Variants in SYT3 observed in about 807,000 individuals in gnomAD.
SYT3 encodes the protein synaptotagmin 3, also known as synaptotagmin-3.
A neutral mutation model predicts 50.6 loss-of-function variants in SYT3; 25 were observed. The ratio of observed to expected loss-of-function variants is 0.49; its 90% CI spans 0.36 to 0.69. The LOEUF (loss-of-function observed/expected upper bound fraction) is 0.69. Ranked by LOEUF, SYT3 falls within the 30% of genes least tolerant of loss-of-function variation. The probability of loss-of-function intolerance (pLI) is 0.00; values close to 1 mark genes in which losing one functional copy is unlikely to be tolerated. For synonymous variants in SYT3, 323 were observed against 353.9 expected (o/e 0.91, Z 0.98); for missense variants, 589 against 793.6 (o/e 0.74, Z 3.10).
At chr19:50,656,126 A>C in the SYT3 span, 1 of 1,536,108 alleles carries the variant, frequency 6.5e-7, no homozygotes, top group South Asian at 1.2e-5. Context: ...AATCCTCGTG[A>C]GTTGTCCCTG....
chr19:50,630,176 A>G lies in SYT3; in HGVS notation c.675-5T>C. ...GGTCGGGGCAGGGCTGGGTACCTGT[A>G]GGGGGTTGGGGGGAGACCAAGGTGA... is the stretch of plus-strand genomic sequence containing the variant. On this transcript the variant is annotated splice_region_variant and splice_polypyrimidine_tract_variant and intron_variant, in intron 4 of 10. Transcript: ENST00000600079. 2 of 1,020,398 alleles carry G rather than the reference A, an allele frequency of 2.0e-6. No individual in the cohort carries two copies. The highest frequency in any genetic ancestry group is 1.5e-5 in the South Asian group (1 of 68,016). The allele number at this position is 1,020,398 out of a possible 1,614,324, so 63.2% of individuals were successfully genotyped here.
the SYT3 span, among the ~76,000 whole-genome samples, chr19:50,645,140 G>C: frequency 6.6e-6 from 1 of 152,218 alleles, no homozygotes; most frequent in Non-Finnish European, 1.5e-5. Context: ...CACACCTTTT[G>C]GCCAGGGCTA....
chr19:50,637,116 T>G lies in SYT3; in HGVS notation c.148+148A>C. On this transcript the variant is annotated intron_variant, in intron 3 of 10. Transcript: ENST00000600079. The surrounding 1 kb of genome is among the most constrained non-coding windows in gnomAD (Gnocchi z 4.9). ...CAGCTCCTTCCCCTTGGATCAGAGA[T>G]TTGGGAGAAGGGCAGCAGCAGGCAG... 3 of 1,033,278 alleles carry G rather than the reference T, an allele frequency of 2.9e-6. No individual in the cohort carries two copies. Among genetic ancestry groups the G allele is most frequent in the Non-Finnish European group, 4.2e-6 (3 of 716,012 alleles). 64.0% of individuals were successfully genotyped at this position (1,033,278 alleles called of 1,614,324 possible).
chr19:50,624,496 T>G lies in SYT3; in HGVS notation c.1707+666A>C, dbSNP rs552190128. ...CTACTTCTTTGCTCCTCTTGTTTTC[T>G]ATTGAGAGAATGGCCATGTTTGATT... On this transcript the variant is annotated intron_variant, in intron 9 of 10. Coordinates refer to ENST00000600079, the MANE Select transcript of SYT3 (RefSeq NM_001160329.2). Among the ~76,000 whole-genome samples, 12 of 152,230 alleles carry G rather than the reference T, an allele frequency of 7.9e-5. No individual in the cohort carries two copies. In the East Asian group the frequency reaches 2.3e-3, roughly 29 times the overall value.
intron 6 of SYT3, 197 bp from the exon 7 acceptor site, chr19:50,626,214 T>C: frequency 1.3e-6 from 1 of 741,590 alleles, no homozygotes; most frequent in Non-Finnish European, 2.1e-6. Context: ...CAAAGCTTAT[T>C]TGTTCTGCAG....
chr19:50,649,338 A>AAGAGGAGGT, the SYT3 span: 1 of 1,096,494 alleles, frequency 9.1e-7, no homozygotes, highest in Non-Finnish European at 1.3e-6. Flanking sequence ...CGGGGCTTCA[A>AAGAGGAGGT]AGAGGAGGTA....
chr19:50,630,815 G>A (rs1326163407), intron 4 of SYT3, among the ~76,000 whole-genome samples: 1 of 152,116 alleles, frequency 6.6e-6, no homozygotes, highest in Non-Finnish European at 1.5e-5. Flanking sequence ...GGTGACCCAG[G>A]ATGCTTCTCC....
chr19:50,628,278 G>A (rs1255379749), intron 6 of SYT3, among the ~76,000 whole-genome samples: 1 of 151,944 alleles, frequency 6.6e-6, no homozygotes, highest in Admixed American at 6.6e-5. Flanking sequence ...TGGGGCAGAA[G>A]AGCTCAGGAC....
At chr19:50,641,295 T>C (rs1210205207), upstream of SYT3, among the ~76,000 whole-genome samples, 1 of 145,172 alleles carries the variant, frequency 6.9e-6, no homozygotes, top group Admixed American at 7.0e-5. Flanking sequence ...TTCTCCTGCC[T>C]CAGCCTCCTG....
intron 4 of SYT3, 135 bp from the exon 5 acceptor site, chr19:50,630,306 A>G (rs571248990): frequency 1.5e-5 from 13 of 888,102 alleles, no homozygotes; most frequent in Non-Finnish European, 2.1e-5. Context: ...TCCTTTGCTC[A>G]CTGTGTGAGC....
At chr19:50,650,171 T>C in the SYT3 span, among the ~76,000 whole-genome samples, 60,308 of 151,638 alleles carry the variant, frequency 0.4, 12,713 homozygotes, top group African/African-American at 0.55. Context: ...ACTTCCTAGC[T>C]TCCTGTCACC....
At chr19:50,635,710 C>T (rs1434176704) in intron 3 of SYT3, among the ~76,000 whole-genome samples, 3 of 152,168 alleles carry the variant, frequency 2.0e-5, no homozygotes, top group Non-Finnish European at 4.4e-5. Flanking sequence ...CAATCAGTCA[C>T]GTATATGAGG....
chr19:50,641,081 C>G (rs917114604), upstream of SYT3, among the ~76,000 whole-genome samples: 3 of 151,414 alleles, frequency 2.0e-5, no homozygotes, highest in African/African-American at 7.3e-5. Context: ...AAAACCAAAA[C>G]AAAACCAAAC....
the SYT3 span, among the ~76,000 whole-genome samples, chr19:50,652,848 G>T: frequency 6.6e-6 from 1 of 152,066 alleles, no homozygotes; most frequent in Non-Finnish European, 1.5e-5. Flanking sequence ...TGAGAGGAAG[G>T]CACCTGGGGA....
chr19:50,649,943 A>G, the SYT3 span: 1 of 431,626 alleles, frequency 2.3e-6, no homozygotes. Flanking sequence ...TCCCTCCCAC[A>G]GCCCATCAGG....
At chr19:50,635,838 C>T (rs1466320640) in intron 3 of SYT3, among the ~76,000 whole-genome samples, 1 of 152,220 alleles carries the variant, frequency 6.6e-6, no homozygotes, top group Non-Finnish European at 1.5e-5. Flanking sequence ...CCATGTGACT[C>T]CACTGGGAGA....
the SYT3 span, among the ~76,000 whole-genome samples, chr19:50,646,295 G>C: frequency 6.6e-6 from 1 of 152,132 alleles, no homozygotes; most frequent in Admixed American, 6.6e-5. Context: ...GCCTGACATT[G>C]CACAGCCTGG....
the SYT3 span, among the ~76,000 whole-genome samples, chr19:50,651,545 G>A: frequency 3.4e-4 from 52 of 152,122 alleles, no homozygotes; most frequent in African/African-American, 1.3e-3. Context: ...ATCCTCCAAG[G>A]CACACAGGGG....
the SYT3 span, among the ~76,000 whole-genome samples, chr19:50,657,546 T>G: frequency 0.24 from 35,903 of 152,186 alleles, 5,399 homozygotes; most frequent in African/African-American, 0.42. Context: ...GACCCTTATC[T>G]TTTGACTACT....
Sources: allele counts gnomAD v4.1 joint callset (sites outside exome capture counted in the v4.1 genomes callset), GRCh38; gene constraint gnomAD v4.1.1; non-coding constraint Gnocchi (gnomAD v3.1); transcripts MANE v1.5; gene names NCBI Gene and HGNC (gene_info 2026-07-23, HGNC 2026-07-21).